The following MRTFA variants were observed in gnomAD, a reference collection of about 807,000 sequenced individuals.
The protein encoded by MRTFA is myocardin-related transcription factor A.
MRTFA carries 20 observed loss-of-function variants against 83.5 expected under a neutral mutation model. The observed-to-expected ratio is 0.24, with a 90% confidence interval of 0.17 to 0.35. The LOEUF is 0.35. Ranked by LOEUF, MRTFA falls within the 10% of genes least tolerant of loss-of-function variation. MRTFA has a pLI of 1.00. For missense variants in MRTFA, 1,200 were observed against 1,224.7 expected, an observed-to-expected ratio of 0.98 and a Z score of 0.30; for synonymous variants, 659 against 541.2, an observed-to-expected ratio of 1.22 and a Z score of -3.02.
Position 40,424,363 on chromosome 22 carries a change from G to C in MRTFA, c.620C>G (p.Pro207Arg). Residue 207 changes from proline (P) to arginine (R), a missense_variant, in exon 8 of 15, where the codon CCC (proline) becomes CGC (arginine). Coordinates refer to ENST00000355630, the MANE Select transcript of MRTFA (RefSeq NM_020831.6). ...GAAGGAAGAGCTGTCTGCTACTTTG[G>C]GATAGTTCACCTGGCCCACTGAAAC... The C allele has an allele frequency of 6.2e-7, 1 of 1,613,496 alleles. No individual in the cohort carries two copies. The highest frequency in any genetic ancestry group is 8.5e-7 in the Non-Finnish European group (1 of 1,179,712).
rs1170224587 is a variant in MRTFA at position 40,429,219 on chromosome 22, C to G, written c.601+387G>C. ...AAATATCCGTGGAAAGGGCCAGTCT[C>G]CAAGAAGAGACTTCACTAATAAAGA... On this transcript the variant is annotated intron_variant, in intron 7 of 14. Coordinates refer to ENST00000355630, the MANE Select transcript of MRTFA (RefSeq NM_020831.6). 5.1e-6 allele frequency: 3 copies of G among 587,576 alleles called. No homozygotes were observed. In the African/African-American group the frequency reaches 5.6e-5, roughly 11 times the overall value. 36.4% of individuals were successfully genotyped at this position (587,576 alleles called of 1,614,324 possible).
rs1882609491 is a variant in MRTFA, at chr22:40,598,273, GTTT to G, written c.-83-3541_-83-3539del. 2.1e-5 allele frequency among the ~76,000 whole-genome samples: 3 copies of G among 144,266 alleles called. No individual in the cohort carries two copies. In the Admixed American group the frequency reaches 2.1e-4, roughly 10 times the overall value. 94.6% of individuals were successfully genotyped at this position (144,266 alleles called of 152,430 possible). ...CATGAGACCATCTTATATAAAGGTTGTTTTAGTCATTCACTGACTAAGCCCCTT... is the reference window on the plus strand; with the variant it reads ...CATGAGACCATCTTATATAAAGGTTGTAGTCATTCACTGACTAAGCCCCTT... On this transcript the variant is annotated intron_variant, in intron 1 of 14. Transcript: ENST00000355630.
intron 1 of MRTFA, among the ~76,000 whole-genome samples, chr22:40,610,928 TTTAC>T (rs2056379851): frequency 1.3e-5 from 2 of 150,930 alleles, no homozygotes; most frequent in Non-Finnish European, 3.0e-5. Context: ...GTTGTTTTCT[TTTAC>T]TTTTTTTTTT....
intron 3 of MRTFA, among the ~76,000 whole-genome samples, chr22:40,541,971 G>A (rs772862643): frequency 3.9e-5 from 6 of 151,934 alleles, no homozygotes; most frequent in Non-Finnish European, 7.4e-5. Context: ...CAGCCTAGGT[G>A]ATGGCTATAT....
intron 3 of MRTFA, among the ~76,000 whole-genome samples, chr22:40,517,283 C>T (rs963973943): frequency 6.6e-6 from 1 of 152,080 alleles, no homozygotes; most frequent in Admixed American, 6.6e-5. Flanking sequence ...TTTACATTTA[C>T]GTTGTAGTGT....
chr22:40,604,726 A>G (rs994772552), intron 1 of MRTFA, among the ~76,000 whole-genome samples: 1 of 151,990 alleles, frequency 6.6e-6, no homozygotes, highest in Non-Finnish European at 1.5e-5. Context: ...CAGCCAGGTT[A>G]CAGAGCAAGA....
At chr22:40,566,228 TTTTTTTTTTTGAGACAGA>T (rs2055701264) in intron 2 of MRTFA, among the ~76,000 whole-genome samples, 1 of 151,886 alleles carries the variant, frequency 6.6e-6, no homozygotes, top group Non-Finnish European at 1.5e-5. Flanking sequence ...TTATCATTTT[TTTTTTTTTTTGAGACAGA>T]GTCTCACTCT....
chr22:40,485,014 G>A (rs1396932616), intron 3 of MRTFA, among the ~76,000 whole-genome samples: 2 of 151,638 alleles, frequency 1.3e-5, no homozygotes, highest in African/African-American at 2.4e-5. Context: ...GGAGGTTGCA[G>A]TGAGAGGAGA....
chr22:40,449,295 A>C (rs981910003), intron 4 of MRTFA, among the ~76,000 whole-genome samples: 9 of 152,078 alleles, frequency 5.9e-5, no homozygotes, highest in Non-Finnish European at 8.8e-5. Flanking sequence ...AAAAAAAGAA[A>C]AGAAAAGAAC....
At chr22:40,610,343 C>G (rs2056373061) in intron 1 of MRTFA, among the ~76,000 whole-genome samples, 1 of 152,158 alleles carries the variant, frequency 6.6e-6, no homozygotes, top group Non-Finnish European at 1.5e-5. Flanking sequence ...CCACCATACC[C>G]AGCCTCTTTT....
At chr22:40,418,232 A>C (rs1569249891) in intron 12 of MRTFA, 142 bp downstream of exon 12, 12 of 1,440,814 alleles carry the variant, frequency 8.3e-6, no homozygotes, top group East Asian at 2.6e-5. Context: ...CCTAAGTCTC[A>C]GTACCCCCCT....
In MRTFA at chr22:40,418,895, G is replaced by C. The variant is rs201635580; in HGVS notation, c.1843C>G (p.Arg615Gly). ...TTGTCGCGCCCCTCTAGCTCCGCCC[G>C]CCCCCCAGGGCTCAGGCAACAGGAC... Residue 615 changes from arginine to glycine, a missense_variant, in exon 12 of 15, where the codon CGG becomes GGG. Around this residue, in one of 2 missense-constraint regions of MRTFA, gnomAD observed 1,107 missense variants for 1,041.8 expected, o/e 1.06. Coordinates refer to ENST00000355630, the MANE Select transcript of MRTFA (RefSeq NM_020831.6). 6.2e-7 allele frequency: 1 copy of C among 1,612,424 alleles called. No homozygotes were observed. The highest frequency in any genetic ancestry group is 2.2e-5 in the East Asian group (1 of 44,852).
intron 3 of MRTFA, among the ~76,000 whole-genome samples, chr22:40,485,197 T>A: frequency 6.6e-6 from 1 of 152,182 alleles, no homozygotes; most frequent in Non-Finnish European, 1.5e-5. Flanking sequence ...ATGCTTATTT[T>A]AAAAATGTCC....
Position 40,410,777 on chromosome 22 carries a change from G to GC in MRTFA, c.*612dup, listed in dbSNP as rs749105759. Reference sequence around the variant, plus strand: ...AGGGAGTTGCACCCATCTCCTGTCCGCCCCCCCCCAAAAATATATATGTAT... The same window carrying GC: ...AGGGAGTTGCACCCATCTCCTGTCCGCCCCCCCCCCAAAAATATATATGTAT... On this transcript the variant is annotated 3_prime_UTR_variant, in exon 15 of 15. Coordinates refer to ENST00000355630, the MANE Select transcript of MRTFA (RefSeq NM_020831.6). 8.3e-3 allele frequency: 1,894 copies of GC among 228,506 alleles called. 22 individuals carry two copies. The highest frequency in any genetic ancestry group is 0.025 in the African/African-American group (1,094 of 44,526). 14.2% of individuals were successfully genotyped at this position (228,506 alleles called of 1,614,324 possible).
At chr22:40,421,911 G>A (rs559192666) in intron 9 of MRTFA, among the ~76,000 whole-genome samples, 1 of 152,362 alleles carries the variant, frequency 6.6e-6, no homozygotes, top group Non-Finnish European at 1.5e-5. Context: ...AGGACTGAAA[G>A]GAAGGTTTGG....
intron 3 of MRTFA, among the ~76,000 whole-genome samples, chr22:40,488,550 C>T (rs939169238): frequency 2.6e-5 from 4 of 151,808 alleles, no homozygotes; most frequent in Non-Finnish European, 4.4e-5. Context: ...AAAATTCAGC[C>T]GGGTGCAGTG....
At chr22:40,526,297 C>G (rs946423181) in intron 3 of MRTFA, 2 of 152,098 alleles carry the variant, frequency 1.3e-5, no homozygotes, top group Non-Finnish European at 2.9e-5. Context: ...CCTCCCAAAG[C>G]GCTGGGATTA....
intron 3 of MRTFA, among the ~76,000 whole-genome samples, chr22:40,525,642 T>C (rs1423318141): frequency 1.3e-5 from 2 of 152,224 alleles, no homozygotes; most frequent in African/African-American, 4.8e-5. Context: ...CAAGGACACC[T>C]AGGGGTCCTC....
intron 3 of MRTFA, among the ~76,000 whole-genome samples, chr22:40,470,260 T>A (rs1403850547): frequency 5.1e-5 from 5 of 97,718 alleles, no homozygotes; most frequent in Admixed American, 4.4e-4. Context: ...TATATATATA[T>A]ATATATATAT....
Sources: gnomAD v4.1 joint callset for allele counts (sites outside exome capture counted in the v4.1 genomes callset) on GRCh38, gnomAD v4.1.1 for gene constraint, gnomAD v4.1.1 regional missense constraint, MANE v1.5 for transcripts, NCBI Gene and HGNC (gene_info 2026-07-23, HGNC 2026-07-21) for gene names.